The following PTPN2 variants were observed in gnomAD, a reference collection of about 807,000 sequenced individuals.
PTPN2 encodes tyrosine-protein phosphatase non-receptor type 2.
In PTPN2, 19 loss-of-function variants were observed where a neutral mutation model predicts 57.3. That is an observed-to-expected ratio of 0.33 (90% CI 0.23 to 0.49). PTPN2 has a LOEUF of 0.49. Among genes scored for constraint, PTPN2 ranks in the 20% least tolerant of loss-of-function variants. The pLI, the probability that PTPN2 is intolerant of heterozygous loss-of-function variation, is 0.99. For synonymous variants in PTPN2, 153 were observed against 164.9 expected (o/e 0.93, Z 0.55); for missense variants, 358 against 501.1 (o/e 0.71, Z 2.73).
At chr18:12,873,416 T>C (rs2044341785) in intron 1 of PTPN2, among the ~76,000 whole-genome samples, 1 of 152,182 alleles carries the variant, frequency 6.6e-6, no homozygotes, top group Non-Finnish European at 1.5e-5. Context: ...GCCTGCAGAG[T>C]GCCTGCGAGT....
chr18:12,817,009 T>C, intron 6 of PTPN2, 147 bp downstream of exon 6: 1 of 716,932 alleles, frequency 1.4e-6, no homozygotes, highest in Non-Finnish European at 2.3e-6. Flanking sequence ...ACGGTGGAAA[T>C]GAGATTTTTA....
Position 12,859,217 on chromosome 18 carries a change from A to G in PTPN2, c.107T>C (p.Val36Ala). Residue 36 changes from valine to alanine, a missense_variant, in exon 2 of 9, where the codon GTG becomes GCG. Val to Ala is a moderately conservative substitution (Grantham distance 64, BLOSUM62 0). Transcript: ENST00000309660. ...RNESHDYPHR[V>A]AKFPENRNRN... Reference sequence around the variant, plus strand: ...ATTTCTGTTTTCTGGAAACTTGGCCACTCTATGAGGATAGTCATGGGACTC... The same window carrying G: ...ATTTCTGTTTTCTGGAAACTTGGCCGCTCTATGAGGATAGTCATGGGACTC... The G allele has an allele frequency of 6.2e-7, 1 of 1,613,322 alleles. No homozygotes were observed. Among genetic ancestry groups the G allele is most frequent in the South Asian group, 1.1e-5 (1 of 91,044 alleles).
chr18:12,801,802 C>T, intron 8 of PTPN2, 168 bp downstream of exon 8: 1 of 670,856 alleles, frequency 1.5e-6, no homozygotes, highest in Non-Finnish European at 2.5e-6. Flanking sequence ...CTCCTAGACT[C>T]AAGTGATCTT....
chr18:12,789,601 C>T (rs2040928557), downstream of PTPN2, among the ~76,000 whole-genome samples: 1 of 152,190 alleles, frequency 6.6e-6, no homozygotes, highest in Non-Finnish European at 1.5e-5. Context: ...GGACCTCAGA[C>T]ATCTCCCCTG....
chr18:12,872,048 C>CA (rs61356876), intron 1 of PTPN2, among the ~76,000 whole-genome samples: 44,738 of 121,242 alleles, frequency 0.37, 7,717 homozygotes, highest in East Asian at 0.7. Flanking sequence ...GACTCTGTCT[C>CA]AAAAAAAAAA....
At chr18:12,860,411 G>T (rs1182798114) in intron 1 of PTPN2, among the ~76,000 whole-genome samples, 1 of 151,666 alleles carries the variant, frequency 6.6e-6, no homozygotes, top group Non-Finnish European at 1.5e-5. Flanking sequence ...AGCCTGGCCA[G>T]GATGGTGAAA....
chr18:12,838,064 T>C (rs2042927249), intron 2 of PTPN2, among the ~76,000 whole-genome samples: 2 of 152,084 alleles, frequency 1.3e-5, no homozygotes, highest in South Asian at 4.1e-4. Context: ...AGTAAAAAGG[T>C]CAGCAACTTA....
intron 4 of PTPN2, among the ~76,000 whole-genome samples, chr18:12,830,269 C>A (rs537419804): frequency 6.6e-6 from 1 of 152,144 alleles, no homozygotes; most frequent in East Asian, 1.9e-4. Flanking sequence ...CCTGCCTCAG[C>A]CTCCCAAGTA....
intron 1 of PTPN2, among the ~76,000 whole-genome samples, chr18:12,870,699 C>A (rs1276988925): frequency 6.6e-6 from 1 of 150,796 alleles, no homozygotes; most frequent in Non-Finnish European, 1.5e-5. Flanking sequence ...TTAGTAGAGA[C>A]GGGGTTTCAC....
intron 2 of PTPN2, among the ~76,000 whole-genome samples, chr18:12,840,512 A>G (rs2043008069): frequency 6.6e-6 from 1 of 152,222 alleles, no homozygotes. Flanking sequence ...ACCACTGTCT[A>G]GAACCATTTG....
chr18:12,882,746 C>T (rs2044703413), intron 1 of PTPN2, among the ~76,000 whole-genome samples: 1 of 152,192 alleles, frequency 6.6e-6, no homozygotes, highest in Non-Finnish European at 1.5e-5. Context: ...TTATACTTCC[C>T]ACTAATGTGT....
intron 1 of PTPN2, among the ~76,000 whole-genome samples, chr18:12,882,217 T>C (rs1227498570): frequency 6.6e-6 from 1 of 152,248 alleles, no homozygotes; most frequent in Non-Finnish European, 1.5e-5. Flanking sequence ...GTAACACCAG[T>C]GTGCATGCCA....
At chr18:12,822,339 C>T (rs1356398746) in intron 5 of PTPN2, among the ~76,000 whole-genome samples, 2 of 152,048 alleles carry the variant, frequency 1.3e-5, no homozygotes, top group East Asian at 1.9e-4. Context: ...AAACGTAAAG[C>T]GGGCCAACAT....
At chr18:12,847,031 C>T (rs1313678220) in intron 2 of PTPN2, among the ~76,000 whole-genome samples, 2 of 118,652 alleles carry the variant, frequency 1.7e-5, no homozygotes, top group Non-Finnish European at 3.4e-5. Context: ...AAACTATGTA[C>T]AAGATTTTTG....
chr18:12,835,382 C>CTTTCT (rs2042821259), intron 3 of PTPN2, among the ~76,000 whole-genome samples: 1 of 99,030 alleles, frequency 1.0e-5, no homozygotes, highest in African/African-American at 4.2e-5. Context: ...TCACATATGT[C>CTTTCT]TTTTTTTTTT....
At chr18:12,824,055 G>C (rs1315881228) in intron 5 of PTPN2, among the ~76,000 whole-genome samples, 1 of 152,170 alleles carries the variant, frequency 6.6e-6, no homozygotes, top group Non-Finnish European at 1.5e-5. Context: ...ATGATTCAGA[G>C]AACTTTCAGA....
At chr18:12,791,873 G>GTCT, downstream of PTPN2, among the ~76,000 whole-genome samples, 1 of 152,264 alleles carries the variant, frequency 6.6e-6, no homozygotes, top group African/African-American at 2.4e-5. Context: ...GCTTCCTCAA[G>GTCT]TCTTCACCTG....
intron 1 of PTPN2, among the ~76,000 whole-genome samples, chr18:12,874,477 C>A (rs578186702): frequency 2.9e-5 from 4 of 137,384 alleles, no homozygotes; most frequent in African/African-American, 5.5e-5. Flanking sequence ...CCGGCCGCCC[C>A]TACTGGGAAG....
At chr18:12,875,753 G>A (rs2044466162) in intron 1 of PTPN2, among the ~76,000 whole-genome samples, 1 of 152,236 alleles carries the variant, frequency 6.6e-6, no homozygotes, top group African/African-American at 2.4e-5. Flanking sequence ...TGGTTTATCT[G>A]GACTATTTGG....
Sources: allele counts gnomAD v4.1 joint callset (sites outside exome capture counted in the v4.1 genomes callset), GRCh38; gene constraint gnomAD v4.1.1; transcripts MANE v1.5; gene names NCBI Gene and HGNC (gene_info 2026-07-23, HGNC 2026-07-21).